DLGAP2: variants seen among roughly 807,000 people sequenced by gnomAD.
DLGAP2 encodes the protein DLG associated protein 2, also known as disks large-associated protein 2.
A neutral mutation model predicts 100.3 loss-of-function variants in DLGAP2; 26 were observed. The observed-to-expected ratio is 0.26, with a 90% CI of 0.19 to 0.36. The LOEUF (loss-of-function observed/expected upper bound fraction) is 0.36, where lower values mean the gene tolerates loss of function less well. DLGAP2 is among the 10% of genes least tolerant of loss of function. The pLI, the probability that DLGAP2 is intolerant of heterozygous loss-of-function variation, is 1.00. For missense variants in DLGAP2, 1,858 were observed against 1,453.2 expected (o/e 1.28, Z -4.53); for synonymous variants, 886 against 630.1 (o/e 1.41, Z -6.08).
intron 3 of DLGAP2, among the ~76,000 whole-genome samples, chr8:1,432,388 G>A (rs1483931108): frequency 6.6e-6 from 1 of 152,168 alleles, no homozygotes; most frequent in Non-Finnish European, 1.5e-5. Flanking sequence ...CCACTTAACT[G>A]AAAGAAGTTA....
intron 3 of DLGAP2, among the ~76,000 whole-genome samples, chr8:1,433,426 A>T (rs1407745550): frequency 6.6e-6 from 1 of 152,154 alleles, no homozygotes; most frequent in Non-Finnish European, 1.5e-5. Context: ...AAGCACCCGA[A>T]CCACGTGGTT....
At chr8:1,297,521 C>G (rs531662383) in intron 3 of DLGAP2, among the ~76,000 whole-genome samples, 37 of 143,178 alleles carry the variant, frequency 2.6e-4, no homozygotes, top group African/African-American at 6.5e-4. Context: ...TGAACAGACA[C>G]CACGTGAGAC....
At chr8:981,920 C>A (rs142425159) in intron 2 of DLGAP2, among the ~76,000 whole-genome samples, 1 of 152,214 alleles carries the variant, frequency 6.6e-6, no homozygotes, top group Non-Finnish European at 1.5e-5. Flanking sequence ...AGTGCATCTC[C>A]GTGCCTGCGG....
intron 6 of DLGAP2, among the ~76,000 whole-genome samples, chr8:1,586,096 C>A: frequency 6.6e-6 from 1 of 152,252 alleles, no homozygotes; most frequent in East Asian, 1.9e-4. Flanking sequence ...GGGCGTTTAT[C>A]CTCAGCCAAG....
intron 1 of DLGAP2, among the ~76,000 whole-genome samples, chr8:889,138 A>G (rs1266319406): frequency 2.6e-5 from 4 of 152,306 alleles, no homozygotes; most frequent in African/African-American, 9.6e-5. Context: ...GGAATTTCAC[A>G]AGACAATGTC....
At chr8:773,188 T>G (rs1028941355) in intron 1 of DLGAP2, among the ~76,000 whole-genome samples, 1 of 152,220 alleles carries the variant, frequency 6.6e-6, no homozygotes, top group African/African-American at 2.4e-5. Context: ...GGCTGGTTTC[T>G]GCAAAGGCCT....
At chr8:1,427,033 G>A (rs1797256776) in intron 3 of DLGAP2, among the ~76,000 whole-genome samples, 1 of 152,078 alleles carries the variant, frequency 6.6e-6, no homozygotes, top group Non-Finnish European at 1.5e-5. Context: ...GCTTCAATAG[G>A]TAAAAGGTGT....
intron 3 of DLGAP2, among the ~76,000 whole-genome samples, chr8:1,415,615 A>G (rs1007405294): frequency 6.6e-6 from 1 of 152,158 alleles, no homozygotes; most frequent in Non-Finnish European, 1.5e-5. Context: ...CCCCACCTGC[A>G]TCCGTGTTGC....
intron 3 of DLGAP2, among the ~76,000 whole-genome samples, chr8:1,362,139 C>A (rs1026142207): frequency 6.6e-6 from 1 of 152,142 alleles, no homozygotes; most frequent in African/African-American, 2.4e-5. Flanking sequence ...GTGATCTGAG[C>A]CTTCTGAGGC....
At chr8:1,696,165 C>A (rs1297199081) in intron 13 of DLGAP2, among the ~76,000 whole-genome samples, 1 of 152,208 alleles carries the variant, frequency 6.6e-6, no homozygotes, top group African/African-American at 2.4e-5. Flanking sequence ...TAAATCCCCA[C>A]TGAATCAAGG....
intron 2 of DLGAP2, among the ~76,000 whole-genome samples, chr8:1,162,135 G>C (rs998983408): frequency 7.9e-5 from 12 of 152,230 alleles, no homozygotes; most frequent in South Asian, 2.1e-4. Context: ...AGGAGGCTAC[G>C]GAGGCAGGAA....
chr8:1,308,407 A>G (rs1253280164), intron 3 of DLGAP2, among the ~76,000 whole-genome samples: 1 of 152,236 alleles, frequency 6.6e-6, no homozygotes, highest in African/African-American at 2.4e-5. Context: ...AACCAGAAGA[A>G]GGGTTTCCAG....
intron 6 of DLGAP2, chr8:1,621,898 G>T (rs1248634344): frequency 6.6e-6 from 1 of 152,186 alleles, no homozygotes; most frequent in African/African-American, 2.4e-5. Flanking sequence ...AGATGCAAAT[G>T]TGGATTTCCC....
At chr8:1,037,638 C>T (rs1802173248) in intron 2 of DLGAP2, among the ~76,000 whole-genome samples, 1 of 152,216 alleles carries the variant, frequency 6.6e-6, no homozygotes, top group Non-Finnish European at 1.5e-5. Context: ...AATGCTGACA[C>T]AGTGTTTAGT....
At chr8:932,185 GCCT>G (rs755359511) in intron 2 of DLGAP2, among the ~76,000 whole-genome samples, 181 of 152,224 alleles carry the variant, frequency 1.2e-3, no homozygotes, top group Non-Finnish European at 2.1e-3. Context: ...CTCACCTTTG[GCCT>G]CTAGACACTT....
intron 1 of DLGAP2, among the ~76,000 whole-genome samples, chr8:814,086 G>T (rs1275525014): frequency 6.6e-6 from 1 of 152,174 alleles, no homozygotes; most frequent in East Asian, 1.9e-4. Flanking sequence ...GTCTTTGAAG[G>T]AAGGTTTCAG....
chr8:1,331,022 G>A (rs943265380), intron 3 of DLGAP2, among the ~76,000 whole-genome samples: 1 of 147,124 alleles, frequency 6.8e-6, no homozygotes, highest in Admixed American at 7.0e-5. Context: ...AGTTCTGGGT[G>A]GGAGCACCGC....
At chr8:1,305,299 T>G (rs1026501610) in intron 3 of DLGAP2, among the ~76,000 whole-genome samples, 2 of 152,234 alleles carry the variant, frequency 1.3e-5, no homozygotes, top group Non-Finnish European at 2.9e-5. Flanking sequence ...GTTCTCTGTC[T>G]TCAGTGGCTG....
chr8:1,224,935 C>G (rs749045367), intron 2 of DLGAP2, among the ~76,000 whole-genome samples: 9 of 152,288 alleles, frequency 5.9e-5, no homozygotes, highest in East Asian at 5.8e-4. Flanking sequence ...TAATCGGAAG[C>G]AAAGTGACAA....
Sources: allele counts gnomAD v4.1 joint callset (sites outside exome capture counted in the v4.1 genomes callset), GRCh38; gene constraint gnomAD v4.1.1; transcripts MANE v1.5; gene names NCBI Gene and HGNC (gene_info 2026-07-23, HGNC 2026-07-21).